Variants in RUNX2 observed in about 807,000 individuals in gnomAD.
The protein encoded by RUNX2 is runt-related transcription factor 2.
RUNX2 carries 10 observed loss-of-function variants against 51.7 expected under a neutral mutation model. The ratio of observed to expected loss-of-function variants is 0.19; its 90% CI spans 0.12 to 0.33. The LOEUF (loss-of-function observed/expected upper bound fraction) is 0.33, where lower values mean the gene tolerates loss of function less well. Among genes scored for constraint, RUNX2 ranks in the 10% least tolerant of loss-of-function variants. The probability of loss-of-function intolerance (pLI) is 1.00; values close to 1 mark genes in which losing one functional copy is unlikely to be tolerated. For missense variants in RUNX2, 562 were observed against 691.3 expected (o/e 0.81, Z 2.10); for synonymous variants, 276 against 273.6 (o/e 1.01, Z -0.09).
chr6:45,503,349 A>AT (rs1800854875), intron 6 of RUNX2, among the ~76,000 whole-genome samples: 1 of 152,138 alleles, frequency 6.6e-6, no homozygotes, highest in African/African-American at 2.4e-5. Context: ...CCTGATACAT[A>AT]TTTTTTTGAA....
intron 2 of RUNX2, among the ~76,000 whole-genome samples, chr6:45,353,603 CT>C (rs1208811352): frequency 6.6e-6 from 1 of 151,906 alleles, no homozygotes; most frequent in Non-Finnish European, 1.5e-5. Context: ...ACTTAGAACC[CT>C]CCCTGACATC....
intron 5 of RUNX2, among the ~76,000 whole-genome samples, chr6:45,474,995 G>A (rs758058394): frequency 9.2e-5 from 14 of 151,908 alleles, no homozygotes; most frequent in Non-Finnish European, 1.5e-4. Context: ...GTGGTGGCAC[G>A]TGCCTGTAAT....
intron 2 of RUNX2, among the ~76,000 whole-genome samples, chr6:45,405,768 C>A (rs900862977): frequency 6.6e-6 from 1 of 151,384 alleles, no homozygotes; most frequent in Non-Finnish European, 1.5e-5. Flanking sequence ...GCCTGGCCAA[C>A]AGAAGTGAAA....
chr6:45,391,909 G>A (rs899624647), intron 2 of RUNX2, among the ~76,000 whole-genome samples: 2 of 152,192 alleles, frequency 1.3e-5, no homozygotes, highest in African/African-American at 4.8e-5. Context: ...AAGCATAGAG[G>A]AGATTAGTTT....
chr6:45,537,108 C>G (rs1182700353), intron 7 of RUNX2, among the ~76,000 whole-genome samples: 1 of 152,154 alleles, frequency 6.6e-6, no homozygotes, highest in East Asian at 1.9e-4. Flanking sequence ...ACAAGAGTCT[C>G]ATGCAATGAG....
chr6:45,352,675 T>A (rs1792305264), intron 2 of RUNX2, among the ~76,000 whole-genome samples: 1 of 152,154 alleles, frequency 6.6e-6, no homozygotes, highest in South Asian at 2.1e-4. Flanking sequence ...TAGTATTCTG[T>A]TTATAAGTAG....
chr6:45,528,450 G>A (rs1317856194), intron 7 of RUNX2, among the ~76,000 whole-genome samples: 3 of 151,994 alleles, frequency 2.0e-5, no homozygotes, highest in East Asian at 1.9e-4. Flanking sequence ...GTGAAACACC[G>A]TCTCTACTAA....
At chr6:45,511,193 T>G (rs1801135602) in intron 6 of RUNX2, among the ~76,000 whole-genome samples, 1 of 152,250 alleles carries the variant, frequency 6.6e-6, no homozygotes, top group Non-Finnish European at 1.5e-5. Context: ...TACCTTTTTT[T>G]CTGTATATAA....
At chr6:45,493,187 C>T (rs1040372547) in intron 6 of RUNX2, among the ~76,000 whole-genome samples, 11 of 151,796 alleles carry the variant, frequency 7.2e-5, no homozygotes, top group East Asian at 3.9e-4. Flanking sequence ...ATATTTTAGT[C>T]GGAATGTATG....
intron 3 of RUNX2, among the ~76,000 whole-genome samples, chr6:45,423,522 G>T (rs1432471334): frequency 6.6e-6 from 1 of 152,154 alleles, no homozygotes; most frequent in African/African-American, 2.4e-5. Flanking sequence ...TCCCCGACCC[G>T]CAGAGTTCAG....
intron 7 of RUNX2, among the ~76,000 whole-genome samples, chr6:45,538,812 G>A (rs996611770): frequency 3.3e-5 from 5 of 152,102 alleles, no homozygotes; most frequent in African/African-American, 7.2e-5. Context: ...TGGGAGCACA[G>A]ACGTGTGCAT....
intron 7 of RUNX2, among the ~76,000 whole-genome samples, chr6:45,516,851 A>G (rs1252644640): frequency 2.6e-5 from 4 of 152,222 alleles, no homozygotes; most frequent in African/African-American, 4.8e-5. Context: ...TTCAAAATGT[A>G]TTTTATACAA....
intron 6 of RUNX2, among the ~76,000 whole-genome samples, chr6:45,511,926 T>C (rs988801683): frequency 3.3e-5 from 5 of 152,226 alleles, no homozygotes; most frequent in Non-Finnish European, 7.3e-5. Flanking sequence ...TTTGTAAAGA[T>C]AACCAAAGCA....
Position 45,550,337 on chromosome 6 carries a change from G to C in RUNX2, c.*3032G>C, listed in dbSNP as rs929898761. 2 of 152,186 alleles carry C rather than the reference G, an allele frequency of 1.3e-5. No homozygotes were observed. Among genetic ancestry groups the C allele is most frequent in the African/African-American group, 4.8e-5 (2 of 41,434 alleles). The allele number at this position is 152,186 out of a possible 1,614,324, so 9.4% of individuals were successfully genotyped here. A position where few individuals can be genotyped will look rare whatever the true frequency, so the allele number is the denominator to read the frequency against. On this transcript the variant is annotated 3_prime_UTR_variant, in exon 9 of 9. Transcript: ENST00000647337. Reference sequence around the variant, plus strand: ...TTAACTATCGTTTGCTCTTTAGACGGTCTCACTGCCTCTCACTTGCCAGAG... The same window carrying C: ...TTAACTATCGTTTGCTCTTTAGACGCTCTCACTGCCTCTCACTTGCCAGAG...
At chr6:45,446,502 T>TC (rs1019669697) in intron 5 of RUNX2, among the ~76,000 whole-genome samples, 9 of 133,944 alleles carry the variant, frequency 6.7e-5, no homozygotes, top group Admixed American at 5.8e-4. Context: ...TTTGTCTCTC[T>TC]TTTTTTTTTT....
At chr6:45,395,779 C>T (rs914790746) in intron 2 of RUNX2, among the ~76,000 whole-genome samples, 10 of 152,124 alleles carry the variant, frequency 6.6e-5, no homozygotes, top group African/African-American at 2.4e-4. Context: ...GCAATCATGC[C>T]TCAGCCTCCC....
intron 2 of RUNX2, among the ~76,000 whole-genome samples, chr6:45,374,958 G>C (rs1796573146): frequency 6.6e-6 from 1 of 152,218 alleles, no homozygotes; most frequent in African/African-American, 2.4e-5. Flanking sequence ...TGTAATCCCA[G>C]AACTTTGGGA....
At position 45,378,510 on chromosome 6, in the gene RUNX2, C is replaced by G. The variant is rs181313190; in HGVS notation, c.59-44083C>G. On this transcript the variant is annotated intron_variant, in intron 2 of 8. Coordinates refer to ENST00000647337, the MANE Select transcript of RUNX2 (RefSeq NM_001024630.4). ...TCTGGGACGGCGAAACCAGCTCTTA[C>G]GCCGCTTCCGCGCGCCATCACTCCC... is the stretch of plus-strand genomic sequence containing the variant. Among the ~76,000 whole-genome samples the G allele has an allele frequency of 3.9e-5, 6 of 152,284 alleles. No homozygotes were observed. The East Asian group carries it at 5.8e-4, about 15-fold the overall frequency.
intron 4 of RUNX2, among the ~76,000 whole-genome samples, chr6:45,435,734 A>G (rs535250412): frequency 6.6e-6 from 1 of 152,348 alleles, no homozygotes; most frequent in South Asian, 2.1e-4. Context: ...TATTAAGATG[A>G]GTGCCATAGA....
Sources: gnomAD v4.1 joint callset for allele counts (sites outside exome capture counted in the v4.1 genomes callset) on GRCh38, gnomAD v4.1.1 for gene constraint, MANE v1.5 for transcripts, NCBI Gene and HGNC (gene_info 2026-07-23, HGNC 2026-07-21) for gene names.